Variants in ZNF26 observed in about 807,000 individuals in gnomAD.
ZNF26 encodes the protein zinc finger protein 26.
ZNF26 carries 32 observed loss-of-function variants against 54.9 expected under a neutral mutation model. The ratio of observed to expected loss-of-function variants is 0.58; its 90% CI spans 0.44 to 0.78. ZNF26 has a LOEUF of 0.78. Among genes scored for constraint, ZNF26 ranks in the 30% least tolerant of loss-of-function variants. The pLI is 0.00. For synonymous variants in ZNF26, 221 were observed against 209.2 expected, an observed-to-expected ratio of 1.06 and a Z score of -0.49; for missense variants, 524 against 634.0, an observed-to-expected ratio of 0.83 and a Z score of 1.86.
At position 133,013,861 on chromosome 12, in the gene ZNF26, C is replaced by A. The variant is rs1953527743; in HGVS notation, c.*2380C>A. ...TTTAAGGCTATAGAGTAGATGTTGG[C>A]AATATATAAAATTCAAACTTGAGTG... On this transcript the variant is annotated 3_prime_UTR_variant, in exon 4 of 4. Transcript: ENST00000328654. 6.5e-6 allele frequency: 1 copy of A among 152,756 alleles called. No homozygotes were observed. The highest frequency in any genetic ancestry group is 2.4e-5 in the African/African-American group (1 of 41,448). 9.5% of individuals were successfully genotyped at this position (152,756 alleles called of 1,614,324 possible). A position where few individuals can be genotyped will look rare whatever the true frequency, so the allele number is the denominator to read the frequency against.
chr12:133,008,026 G>A (rs1467707393), intron 3 of ZNF26, among the ~76,000 whole-genome samples: 1 of 152,002 alleles, frequency 6.6e-6, no homozygotes, highest in Non-Finnish European at 1.5e-5. Flanking sequence ...TTGTCCAGAG[G>A]GGTATTTTTT....
rs17854396 is a variant in ZNF26, at chr12:133,010,998, T to C, written c.1119T>C (p.Gly373=). ...CAGGAAATAATCCTTATCAATGCGG[T>C]GAATGTGGGAAAGCCTTTGGTAGGA... ...VHTGNNPYQC[G]ECGKAFGRKE... The change falls in exon 4 of 4, where the codon GGT becomes GGC. Residue 373 remains glycine (G), a synonymous_variant. Transcript: ENST00000328654. The C allele has an allele frequency of 6.5e-4, 1,043 of 1,613,836 alleles. 1 individual carries two copies. Among genetic ancestry groups the C allele is most frequent in the Non-Finnish European group, 8.3e-4 (984 of 1,179,968 alleles).
Position 133,007,555 on chromosome 12 carries a change from G to A in ZNF26, c.256+23G>A, listed in dbSNP as rs1953357899. 4.4e-5 allele frequency: 70 copies of A among 1,577,034 alleles called. 2 individuals carry two copies. In the South Asian group the frequency reaches 7.7e-4, roughly 17 times the overall value. On this transcript the variant is annotated intron_variant, in intron 3 of 3. Transcript: ENST00000328654. ...CAGGTGGGTGAGTGAGAAAGAGGAAGGTGGGAGGCATGGGAGTGAGCTGAT... is the reference window on the plus strand; with the variant it reads ...CAGGTGGGTGAGTGAGAAAGAGGAAAGTGGGAGGCATGGGAGTGAGCTGAT...
rs1009218617 is a variant in ZNF26, at chr12:132,990,652, C to G, written c.33+3779C>G. ...TTTTTTTCCTTAAATGTTTGGTAGA[C>G]TTCACCAGTGAGTGAACCCATCTTG... On this transcript the variant is annotated intron_variant, in intron 1 of 3. Transcript: ENST00000328654. 3.9e-3 allele frequency among the ~76,000 whole-genome samples: 594 copies of G among 152,236 alleles called. 6 individuals carry two copies. The highest frequency in any genetic ancestry group is 0.014 in the African/African-American group (576 of 41,530).
chr12:132,987,180 T>A (rs1295031658), intron 1 of ZNF26, among the ~76,000 whole-genome samples: 2 of 152,210 alleles, frequency 1.3e-5, no homozygotes. Context: ...ATGGAGACCC[T>A]TAGAACTTAG....
Position 133,001,552 on chromosome 12 carries a change from T to C in ZNF26, c.34-5490T>C, listed in dbSNP as rs1953219086. The C allele has an allele frequency of 1.3e-6, 1 of 752,786 alleles. No homozygotes were observed. Among genetic ancestry groups the C allele is most frequent in the African/African-American group, 1.8e-5 (1 of 55,436 alleles). The allele number at this position is 752,786 out of a possible 1,614,324, so 46.6% of individuals were successfully genotyped here. A position where few individuals can be genotyped will look rare whatever the true frequency, so the allele number is the denominator to read the frequency against. ...CTCTGCCCTGCAGTTCCATGGTGTA[T>C]GTGATTCTTTCTCTCACTGCATGCA... On this transcript the variant is annotated intron_variant, in intron 1 of 3. Coordinates refer to ENST00000328654, the MANE Select transcript of ZNF26 (RefSeq NM_019591.4). The surrounding 1 kb of genome is among the most constrained non-coding windows in gnomAD (Gnocchi z 4.7).
Position 132,986,779 on chromosome 12 carries a change from ACGGTCTCTCCGCAGCC to A in ZNF26, c.-59_-44del, listed in dbSNP as rs1952830459. On this transcript the variant is annotated 5_prime_UTR_variant, in exon 1 of 4. Transcript: ENST00000328654. ...CTGTCTTCGGGCGGACGCATCCCTC[ACGGTCTCTCCGCAGCC>A]CGCGGGTCCTGCCCCCGCAGGCAGC... is the stretch of plus-strand genomic sequence containing the variant. 1.3e-6 allele frequency: 2 copies of A among 1,552,066 alleles called. No homozygotes were observed. Among genetic ancestry groups the A allele is most frequent in the African/African-American group, 1.4e-5 (1 of 73,488 alleles).
intron 1 of ZNF26, 151 bp downstream of exon 1, chr12:132,987,024 C>T: frequency 4.6e-6 from 4 of 875,054 alleles, no homozygotes; most frequent in Non-Finnish European, 5.3e-6. Flanking sequence ...ACCAAAGCGC[C>T]TCTGAAGCTC....
intron 3 of ZNF26, 70 bp downstream of exon 3, chr12:133,007,602 T>TGGTACTC: frequency 9.0e-7 from 1 of 1,107,306 alleles, no homozygotes; most frequent in Non-Finnish European, 1.3e-6. Flanking sequence ...GAGTGGGCAC[T>TGGTACTC]CACAGTGTTG....
rs1953576020 is a variant in ZNF26, at chr12:133,017,045, A to G, written c.*5564A>G. The G allele has an allele frequency of 6.6e-6, 1 of 152,236 alleles. No individual in the cohort carries two copies. The highest frequency in any genetic ancestry group is 6.5e-5 in the Admixed American group (1 of 15,280). 9.4% of individuals were successfully genotyped at this position (152,236 alleles called of 1,614,324 possible). On this transcript the variant is annotated 3_prime_UTR_variant, in exon 4 of 4. Transcript: ENST00000328654. Reference sequence around the variant, plus strand: ...CCAGGGTGAAATAATGTCATTTTAAACAAAATATTTAATACCAAGAAAGTT... The same window carrying G: ...CCAGGGTGAAATAATGTCATTTTAAGCAAAATATTTAATACCAAGAAAGTT...
chr12:132,986,724 G>T lies in ZNF26; in HGVS notation c.-117G>T. ...CCTGCCAACGACTCGGCCCCGGGAC[G>T]GTCAGGAGCCTGGGGCCCTGGTCCC... On this transcript the variant is annotated 5_prime_UTR_variant, in exon 1 of 4. Transcript: ENST00000328654. The T allele has an allele frequency of 2.6e-6, 3 of 1,161,062 alleles. No individual in the cohort carries two copies. The highest frequency in any genetic ancestry group is 3.7e-6 in the Non-Finnish European group (3 of 818,786). 71.9% of individuals were successfully genotyped at this position (1,161,062 alleles called of 1,614,324 possible).
At chr12:132,993,404 C>T (rs1007766014) in intron 1 of ZNF26, among the ~76,000 whole-genome samples, 2 of 151,966 alleles carry the variant, frequency 1.3e-5, no homozygotes, top group Admixed American at 6.6e-5. Context: ...TAAGTTTTGT[C>T]TGATACCTTC....
In ZNF26 at chr12:133,012,843, T is replaced by A. The variant is rs1593674435; in HGVS notation, c.*1362T>A. 6.6e-6 allele frequency: 1 copy of A among 152,242 alleles called. No individual in the cohort carries two copies. The highest frequency in any genetic ancestry group is 6.6e-5 in the Admixed American group (1 of 15,264). 9.4% of individuals were successfully genotyped at this position (152,242 alleles called of 1,614,324 possible). The stretch of plus-strand genomic sequence containing the variant: ...ATCTGCCCACTTCAGCCTCCCAAAG[T>A]CATGGGATTACAGGTGTGAGCCACC... On this transcript the variant is annotated 3_prime_UTR_variant, in exon 4 of 4. Coordinates refer to ENST00000328654, the MANE Select transcript of ZNF26 (RefSeq NM_019591.4).
chr12:133,001,810 C>A lies in ZNF26; in HGVS notation c.34-5232C>A. 1.3e-6 allele frequency: 1 copy of A among 776,256 alleles called. No individual in the cohort carries two copies. The highest frequency in any genetic ancestry group is 1.9e-6 in the Non-Finnish European group (1 of 530,954). 48.1% of individuals were successfully genotyped at this position (776,256 alleles called of 1,614,324 possible). ...CCCCAGCTGCCTTTTGAGAGTCCCG[C>A]GGCAGTCTTTGCCTTCAGAATTTTT... On this transcript the variant is annotated intron_variant, in intron 1 of 3. Transcript: ENST00000328654. The surrounding 1 kb of genome is among the most constrained non-coding windows in gnomAD (Gnocchi z 4.7).
At chr12:132,988,323 A>G (rs1356673134) in intron 1 of ZNF26, among the ~76,000 whole-genome samples, 4 of 151,514 alleles carry the variant, frequency 2.6e-5, no homozygotes, top group Admixed American at 2.0e-4. Context: ...TGCAGCCTCG[A>G]ACTCCCGGGC....
Position 133,011,024 on chromosome 12 carries a change from A to G in ZNF26, c.1145A>G (p.Lys382Arg). The change falls in exon 4 of 4, where the codon AAG becomes AGG. Residue 382 changes from lysine (K) to arginine (R), a missense_variant. Physicochemically the swap from Lys to Arg is conservative, Grantham distance 26 (BLOSUM62 2). Transcript: ENST00000328654. ...CGECGKAFGR[K>R]EQLTAHLRAH... is the part of the protein sequence containing the mutation. ...GAATGTGGGAAAGCCTTTGGTAGGA[A>G]GGAACAGCTCACTGCACATCTGAGA... is the stretch of plus-strand genomic sequence containing the variant. 1 of 1,614,188 alleles carries G rather than the reference A, an allele frequency of 6.2e-7. No individual in the cohort carries two copies. Among genetic ancestry groups the G allele is most frequent in the Non-Finnish European group, 8.5e-7 (1 of 1,180,022 alleles).
At chr12:132,998,819 T>C (rs1953147795) in intron 1 of ZNF26, among the ~76,000 whole-genome samples, 2 of 152,212 alleles carry the variant, frequency 1.3e-5, no homozygotes, top group Admixed American at 1.3e-4. Context: ...TGTGTCCTTT[T>C]TACAAAAGAA....
At chr12:132,988,181 G>A (rs1952868039) in intron 1 of ZNF26, among the ~76,000 whole-genome samples, 1 of 150,272 alleles carries the variant, frequency 6.7e-6, no homozygotes, top group Non-Finnish European at 1.5e-5. Context: ...GGTAATTTTT[G>A]TATATTTTGT....
At position 133,020,641 on chromosome 12, in the gene ZNF26, A is replaced by G. The variant is rs1420140563; in HGVS notation, c.*9160A>G. ...ATATCCCACTTTCAATATTAGAACA[A>G]TCGTATAAGTTGTCTAGGACTGTCG... On this transcript the variant is annotated 3_prime_UTR_variant, in exon 4 of 4. Coordinates refer to ENST00000328654, the MANE Select transcript of ZNF26 (RefSeq NM_019591.4). The G allele has an allele frequency of 6.6e-6, 1 of 152,302 alleles. No individual in the cohort carries two copies. Among genetic ancestry groups the G allele is most frequent in the African/African-American group, 2.4e-5 (1 of 41,566 alleles). 9.4% of individuals were successfully genotyped at this position (152,302 alleles called of 1,614,324 possible). A position where few individuals can be genotyped will look rare whatever the true frequency, so the allele number is the denominator to read the frequency against.
Sources: gnomAD v4.1 joint callset for allele counts (sites outside exome capture counted in the v4.1 genomes callset) on GRCh38, gnomAD v4.1.1 for gene constraint, Gnocchi (gnomAD v3.1) non-coding constraint, MANE v1.5 for transcripts, NCBI Gene and HGNC (gene_info 2026-07-23, HGNC 2026-07-21) for gene names.